Variants in ADD1 observed in about 807,000 individuals in gnomAD.
The protein encoded by ADD1 is adducin 1, also known as alpha-adducin.
ADD1 carries 24 observed loss-of-function variants against 80.5 expected under a neutral mutation model. The observed-to-expected ratio is 0.30, with a 90% confidence interval of 0.22 to 0.42. ADD1 has a LOEUF of 0.42. ADD1 is among the 10% of genes least tolerant of loss of function. The pLI, the probability that ADD1 is intolerant of heterozygous loss-of-function variation, is 1.00. For missense variants in ADD1, 948 were observed against 1,019.0 expected, an observed-to-expected ratio of 0.93 and a Z score of 0.95; for synonymous variants, 373 against 393.8, an observed-to-expected ratio of 0.95 and a Z score of 0.63.
intron 1 of ADD1, among the ~76,000 whole-genome samples, chr4:2,869,127 A>C (rs184231231): frequency 1.3e-5 from 2 of 152,236 alleles, no homozygotes; most frequent in Non-Finnish European, 2.9e-5. Flanking sequence ...ATCTCAGTGA[A>C]GCTTTCCTGA....
At chr4:2,866,902 C>T (rs1293245426) in intron 1 of ADD1, among the ~76,000 whole-genome samples, 3 of 152,086 alleles carry the variant, frequency 2.0e-5, no homozygotes, top group Non-Finnish European at 2.9e-5. Flanking sequence ...GAAACCCCAT[C>T]TCTACAAAAA....
intron 9 of ADD1, 45 bp from the exon 10 acceptor site, chr4:2,904,719 T>G: frequency 1.0e-4 from 155 of 1,532,090 alleles, no homozygotes; most frequent in Middle Eastern, 1.7e-4. Context: ...AACCCTGTTT[T>G]GAGATCTGGA....
rs546902099 is a variant in ADD1 at position 2,886,789 on chromosome 4, C to T, written c.510+2123C>T. On this transcript the variant is annotated intron_variant, in intron 4 of 15. Transcript: ENST00000683351. ...AGTTAGCCTAGCACAAATGCCAGCT[C>T]CCTTCCTGGTGCCTGCAGGGAAATT... Among the ~76,000 whole-genome samples, 4 of 152,290 alleles carry T rather than the reference C, an allele frequency of 2.6e-5. No individual in the cohort carries two copies. In the East Asian group the frequency reaches 7.7e-4, roughly 29 times the overall value.
At chr4:2,924,590 A>C (rs1370565184) in intron 14 of ADD1, among the ~76,000 whole-genome samples, 1 of 152,168 alleles carries the variant, frequency 6.6e-6, no homozygotes, top group Non-Finnish European at 1.5e-5. Context: ...CCTGGGAGCT[A>C]GGCACTCCTC....
In ADD1 at chr4:2,928,316, C is replaced by T; in HGVS notation, c.2193C>T (p.Ser731=). Residue 731 remains serine, a synonymous_variant, in exon 16 of 16, where the codon AGC becomes AGT. Coordinates refer to ENST00000683351, the MANE Select transcript of ADD1 (RefSeq NM_001354761.2). ...AGGAGGAAGCCCATAGACCCCCAAGCCCCACTGAGGCCCCTACTGAGGCCA... is the reference window on the plus strand; with the variant it reads ...AGGAGGAAGCCCATAGACCCCCAAGTCCCACTGAGGCCCCTACTGAGGCCA... ...EKEEEAHRPP[S]PTEAPTEASP... is the part of the protein sequence containing the mutation. 1 of 1,614,034 alleles carries T rather than the reference C, an allele frequency of 6.2e-7. No homozygotes were observed. The highest frequency in any genetic ancestry group is 8.5e-7 in the Non-Finnish European group (1 of 1,180,030).
intron 14 of ADD1, among the ~76,000 whole-genome samples, chr4:2,919,000 C>T (rs1323179821): frequency 6.6e-6 from 1 of 151,992 alleles, no homozygotes; most frequent in African/African-American, 2.4e-5. Context: ...GCCACCACAC[C>T]CGGTTAATTT....
At chr4:2,887,674 G>A (rs1733614386) in intron 4 of ADD1, 1 of 152,250 alleles carries the variant, frequency 6.6e-6, no homozygotes, top group African/African-American at 2.4e-5. Flanking sequence ...CCACCTTTGT[G>A]ACCAGTGCCC....
At chr4:2,886,730 C>T (rs1170815998) in intron 4 of ADD1, among the ~76,000 whole-genome samples, 2 of 152,176 alleles carry the variant, frequency 1.3e-5, no homozygotes, top group African/African-American at 2.4e-5. Flanking sequence ...AACAAGAGCT[C>T]GCTGGGACCT....
intron 1 of ADD1, among the ~76,000 whole-genome samples, chr4:2,861,531 G>A (rs1171748165): frequency 6.6e-6 from 1 of 152,178 alleles, no homozygotes; most frequent in Non-Finnish European, 1.5e-5. Context: ...CAGATGTTTT[G>A]TTGGCATTTG....
intron 9 of ADD1, chr4:2,901,807 T>C (rs1031523173): frequency 6.6e-6 from 1 of 151,876 alleles, no homozygotes; most frequent in Non-Finnish European, 1.5e-5. Context: ...AGAGATAATA[T>C]TTCATTTGAA....
chr4:2,912,964 C>T (rs1205154518), intron 13 of ADD1, among the ~76,000 whole-genome samples: 1 of 152,192 alleles, frequency 6.6e-6, no homozygotes, highest in African/African-American at 2.4e-5. Flanking sequence ...TTTGCCTCAG[C>T]TTCCCGAGTA....
intron 9 of ADD1, among the ~76,000 whole-genome samples, chr4:2,903,171 G>A (rs1736474862): frequency 6.6e-6 from 1 of 152,160 alleles, no homozygotes; most frequent in African/African-American, 2.4e-5. Flanking sequence ...CAGCCAGCAG[G>A]GCACAGGCCA....
intron 1 of ADD1, among the ~76,000 whole-genome samples, chr4:2,852,329 C>CTTTT (rs869236781): frequency 4.5e-5 from 2 of 44,666 alleles, no homozygotes; most frequent in Non-Finnish European, 1.1e-4. Context: ...TCTTTTCTTT[C>CTTTT]TTTTTTTTTT....
At chr4:2,898,963 C>T in intron 8 of ADD1, 1 of 409,818 alleles carries the variant, frequency 2.4e-6, no homozygotes, top group Non-Finnish European at 4.4e-6. Context: ...CACGTTCTCC[C>T]CTCTGCTTCT....
At chr4:2,874,142 C>G (rs1730875124) in intron 1 of ADD1, among the ~76,000 whole-genome samples, 1 of 152,070 alleles carries the variant, frequency 6.6e-6, no homozygotes, top group African/African-American at 2.4e-5. Flanking sequence ...TGAGAGCCCA[C>G]AAGTTCCAGG....
At chr4:2,888,487 GCTCA>G (rs1733766105) in intron 4 of ADD1, among the ~76,000 whole-genome samples, 1 of 151,168 alleles carries the variant, frequency 6.6e-6, no homozygotes, top group African/African-American at 2.4e-5. Flanking sequence ...CATGATCTCG[GCTCA>G]CTCAACCTCT....
At chr4:2,844,224 C>G (rs1462978521) in intron 1 of ADD1, 200 bp downstream of exon 1, 1 of 151,996 alleles carries the variant, frequency 6.6e-6, no homozygotes, top group Admixed American at 6.6e-5. Flanking sequence ...TGGGCCGAGC[C>G]GGGGAGCGAG....
At chr4:2,901,856 C>CG (rs1553845593) in intron 9 of ADD1, 2 of 149,524 alleles carry the variant, frequency 1.3e-5, no homozygotes, top group Non-Finnish European at 3.0e-5. Flanking sequence ...TTGTCCCCCC[C>CG]CCAAAAAAAA....
chr4:2,920,657 C>CTTTTTTTTTTTTTTTTTTT (rs55649630), intron 14 of ADD1, among the ~76,000 whole-genome samples: 1 of 136,544 alleles, frequency 7.3e-6, no homozygotes, highest in Non-Finnish European at 1.5e-5. Flanking sequence ...GCAACTCCTG[C>CTTTTTTTTTTTTTTTTTTT]TTTTTTTTTT....
Sources: gnomAD v4.1 joint callset for allele counts (sites outside exome capture counted in the v4.1 genomes callset) on GRCh38, gnomAD v4.1.1 for gene constraint, MANE v1.5 for transcripts, NCBI Gene and HGNC (gene_info 2026-07-23, HGNC 2026-07-21) for gene names.